The following LIPC variants were observed in gnomAD, a reference collection of about 807,000 sequenced individuals.
LIPC encodes lipase C, hepatic type, also known as hepatic triacylglycerol lipase.
A neutral mutation model predicts 50.7 loss-of-function variants in LIPC; 44 were observed. That is an observed-to-expected ratio of 0.87 (90% CI 0.68 to 1.11). The LOEUF is 1.11. LIPC is among the 50% of genes most tolerant of loss of function. The probability of loss-of-function intolerance (pLI) is 0.00; values close to 1 mark genes in which losing one functional copy is unlikely to be tolerated. For synonymous variants in LIPC, 271 were observed against 256.4 expected (o/e 1.06, Z -0.54); for missense variants, 697 against 648.2 (o/e 1.08, Z -0.82).
At chr15:58,529,918 G>A (rs751107881) in intron 1 of LIPC, among the ~76,000 whole-genome samples, 4 of 152,174 alleles carry the variant, frequency 2.6e-5, no homozygotes, top group African/African-American at 9.7e-5. Context: ...GAAGGGCATC[G>A]CCCAGCTATT....
intron 1 of LIPC, among the ~76,000 whole-genome samples, chr15:58,537,507 A>C (rs1487946566): frequency 5.6e-5 from 2 of 35,928 alleles, no homozygotes; most frequent in Non-Finnish European, 1.1e-4. Flanking sequence ...GCAGCCTGGC[A>C]TCTGGAGCAT....
intron 1 of LIPC, among the ~76,000 whole-genome samples, chr15:58,519,134 C>T (rs1042924722): frequency 1.3e-5 from 2 of 152,068 alleles, no homozygotes; most frequent in Admixed American, 6.6e-5. Context: ...TTCAGCCAAG[C>T]GCAGTGGCTC....
chr15:58,432,382 G>A (rs1893153906), intron 1 of LIPC: 1 of 512,220 alleles, frequency 2.0e-6, no homozygotes, highest in Non-Finnish European at 3.5e-6. Flanking sequence ...ATCTGATATG[G>A]AAACAGTCAT....
At chr15:58,462,111 C>G (rs1282606839) in intron 1 of LIPC, among the ~76,000 whole-genome samples, 1 of 152,200 alleles carries the variant, frequency 6.6e-6, no homozygotes, top group African/African-American at 2.4e-5. Context: ...CTTCTGTCAT[C>G]TATTTTCCTG....
intron 1 of LIPC, among the ~76,000 whole-genome samples, chr15:58,477,995 C>T (rs1891055779): frequency 6.6e-6 from 1 of 151,996 alleles, no homozygotes. Context: ...GCACCCTATA[C>T]CCACCCCATG....
chr15:58,495,930 T>C (rs1891748197), intron 1 of LIPC, among the ~76,000 whole-genome samples: 1 of 152,176 alleles, frequency 6.6e-6, no homozygotes, highest in African/African-American at 2.4e-5. Context: ...AGCAGACAAA[T>C]GCAAAATTTC....
At position 58,471,331 on chromosome 15, in the gene LIPC, G is replaced by GGGGC. The variant is rs1555399324; in HGVS notation, c.88+39214_88+39215insCGGG. 1.1e-3 allele frequency among the ~76,000 whole-genome samples: 153 copies of GGGGC among 139,094 alleles called. 12 individuals are homozygous for GGGGC. Among genetic ancestry groups the GGGGC allele is most frequent in the South Asian group, 5.4e-3 (22 of 4,088 alleles). The allele number at this position is 139,094 out of a possible 152,430, so 91.3% of individuals were successfully genotyped here. ...TTTTTTGTATTTTTAGTAGAGATGG[G>GGGGC]GGGGGGTGGTCTCACCATGTTGGCC... On this transcript the variant is annotated intron_variant, in intron 1 of 8. Transcript: ENST00000299022.
intron 1 of LIPC, among the ~76,000 whole-genome samples, chr15:58,478,390 C>T (rs1035291977): frequency 3.9e-5 from 6 of 152,144 alleles, no homozygotes; most frequent in Non-Finnish European, 8.8e-5. Context: ...AGGCGCACAC[C>T]ACCATACCTG....
intron 2 of LIPC, among the ~76,000 whole-genome samples, chr15:58,540,589 A>G (rs1306764850): frequency 6.6e-6 from 1 of 152,194 alleles, no homozygotes; most frequent in East Asian, 1.9e-4. Flanking sequence ...GAATGGCATG[A>G]CAGGCCCTCA....
intron 1 of LIPC, among the ~76,000 whole-genome samples, chr15:58,504,157 C>T (rs1381692726): frequency 6.6e-6 from 1 of 152,176 alleles, no homozygotes; most frequent in Non-Finnish European, 1.5e-5. Flanking sequence ...CTGGAGTGAA[C>T]AAGCTCCCTC....
intron 1 of LIPC, among the ~76,000 whole-genome samples, chr15:58,444,942 G>A (rs866157543): frequency 6.6e-5 from 10 of 152,174 alleles, no homozygotes; most frequent in South Asian, 2.1e-4. Flanking sequence ...GAAGGCTTCC[G>A]CGTTAGAAAA....
intron 1 of LIPC, among the ~76,000 whole-genome samples, chr15:58,466,792 C>G (rs375969715): frequency 6.6e-6 from 1 of 152,234 alleles, no homozygotes; most frequent in East Asian, 1.9e-4. Context: ...CTGCAAAGCA[C>G]ATGGTTTCCT....
In LIPC at chr15:58,565,339, C is replaced by T. The variant is rs1240328904; in HGVS notation, c.1388+1616C>T. ...GAGAGTAATTCCTCAGTTTAGGTGGCTGCTCACCCTGACAATCCCATGTGG... is the reference window on the plus strand; with the variant it reads ...GAGAGTAATTCCTCAGTTTAGGTGGTTGCTCACCCTGACAATCCCATGTGG... On this transcript the variant is annotated intron_variant, in intron 8 of 8. Transcript: ENST00000299022. 5.9e-6 allele frequency: 9 copies of T among 1,531,084 alleles called. No individual in the cohort carries two copies. In the African/African-American group the frequency reaches 1.1e-4, roughly 19 times the overall value. The allele number at this position is 1,531,084 out of a possible 1,614,324, so 94.8% of individuals were successfully genotyped here.
chr15:58,553,676 T>C (rs1487189227), intron 6 of LIPC, among the ~76,000 whole-genome samples: 3 of 152,228 alleles, frequency 2.0e-5, no homozygotes, highest in Non-Finnish European at 4.4e-5. Context: ...GGGACTGTAC[T>C]GTTAAACCAA....
intron 7 of LIPC, among the ~76,000 whole-genome samples, chr15:58,562,829 T>A (rs1595957843): frequency 8.4e-6 from 1 of 119,094 alleles, no homozygotes; most frequent in Non-Finnish European, 1.7e-5. Flanking sequence ...CCACCATCCA[T>A]CTGCCTCGCC....
At chr15:58,494,591 C>A (rs535029700) in intron 1 of LIPC, among the ~76,000 whole-genome samples, 1 of 152,320 alleles carries the variant, frequency 6.6e-6, no homozygotes, top group Non-Finnish European at 1.5e-5. Context: ...GTACCAGTAG[C>A]ACATAGTTGT....
chr15:58,483,256 G>A (rs942434236), intron 1 of LIPC, among the ~76,000 whole-genome samples: 3 of 152,092 alleles, frequency 2.0e-5, no homozygotes, highest in African/African-American at 7.2e-5. Flanking sequence ...TCAAACACCA[G>A]GTTACTAAAG....
At position 58,481,331 on chromosome 15, in the gene LIPC, T is replaced by G. The variant is rs182885820; in HGVS notation, c.88+49211T>G. On this transcript the variant is annotated intron_variant, in intron 1 of 8. Transcript: ENST00000299022. Reference sequence around the variant, plus strand: ...CCATAAATGTCCTTTGACACAGTAATTGCACTTATAAATGTTTATCTCACA... The same window carrying G: ...CCATAAATGTCCTTTGACACAGTAAGTGCACTTATAAATGTTTATCTCACA... 5.3e-5 allele frequency among the ~76,000 whole-genome samples: 8 copies of G among 152,288 alleles called. No individual in the cohort carries two copies. In the East Asian group the frequency reaches 1.5e-3, roughly 29 times the overall value.
At chr15:58,495,355 A>G (rs1595896268) in intron 1 of LIPC, among the ~76,000 whole-genome samples, 2 of 152,332 alleles carry the variant, frequency 1.3e-5, no homozygotes, top group African/African-American at 2.4e-5. Flanking sequence ...AACAAAGCCT[A>G]TGCAACCTTC....
Sources: allele counts gnomAD v4.1 joint callset (sites outside exome capture counted in the v4.1 genomes callset), GRCh38; gene constraint gnomAD v4.1.1; transcripts MANE v1.5; gene names NCBI Gene and HGNC (gene_info 2026-07-23, HGNC 2026-07-21).